PCCA: variants seen among roughly 807,000 people sequenced by gnomAD.
The protein encoded by PCCA is propionyl-CoA carboxylase subunit alpha, also known as propionyl-CoA carboxylase alpha chain, mitochondrial.
PCCA carries 74 observed loss-of-function variants against 101.3 expected under a neutral mutation model. The ratio of observed to expected loss-of-function variants is 0.73; its 90% CI spans 0.61 to 0.89. PCCA has a LOEUF of 0.89. Ranked by LOEUF, PCCA falls within the 40% of genes least tolerant of loss-of-function variation. The probability of loss-of-function intolerance (pLI) is 0.00; values close to 1 mark genes in which losing one functional copy is unlikely to be tolerated. For missense variants in PCCA, 891 were observed against 907.0 expected (o/e 0.98, Z 0.23); for synonymous variants, 294 against 313.6 (o/e 0.94, Z 0.66).
intron 1 of PCCA, among the ~76,000 whole-genome samples, chr13:100,100,348 C>G (rs1394545632): frequency 1.3e-5 from 2 of 152,170 alleles, no homozygotes; most frequent in Non-Finnish European, 2.9e-5. Flanking sequence ...ACTGGGGAGT[C>G]ATTTTGCACA....
chr13:100,292,923 C>T (rs2065239418), intron 12 of PCCA, among the ~76,000 whole-genome samples: 1 of 88,428 alleles, frequency 1.1e-5, no homozygotes, highest in Non-Finnish European at 2.4e-5. Context: ...CTGAATACAC[C>T]TTTCCAAATT....
At chr13:100,259,109 T>A (rs1002589188) in intron 9 of PCCA, among the ~76,000 whole-genome samples, 13 of 152,144 alleles carry the variant, frequency 8.5e-5, no homozygotes, top group African/African-American at 2.4e-4. Context: ...CTTCTTTTCC[T>A]CTCTCCCTCT....
intron 21 of PCCA, among the ~76,000 whole-genome samples, chr13:100,496,759 C>A (rs953378567): frequency 9.9e-5 from 15 of 152,278 alleles, no homozygotes; most frequent in African/African-American, 3.4e-4. Context: ...AGATGTCACC[C>A]AACCTGGTAG....
At chr13:100,259,602 G>T (rs1469442467) in intron 9 of PCCA, among the ~76,000 whole-genome samples, 1 of 151,892 alleles carries the variant, frequency 6.6e-6, no homozygotes, top group East Asian at 1.9e-4. Context: ...CAAAGTGCTG[G>T]GATTACAGGC....
chr13:100,188,130 T>C (rs2057441693), intron 6 of PCCA, among the ~76,000 whole-genome samples: 1 of 152,086 alleles, frequency 6.6e-6, no homozygotes, highest in Admixed American at 6.6e-5. Flanking sequence ...CCGTCTCTAC[T>C]AAAAATACAA....
At chr13:100,377,366 T>TCC (rs2075980398) in intron 19 of PCCA, among the ~76,000 whole-genome samples, 1 of 152,228 alleles carries the variant, frequency 6.6e-6, no homozygotes, top group Non-Finnish European at 1.5e-5. Flanking sequence ...TCCATTTGGA[T>TCC]GGAACAATTT....
At chr13:100,206,453 G>A (rs1002483887) in intron 6 of PCCA, among the ~76,000 whole-genome samples, 1 of 152,030 alleles carries the variant, frequency 6.6e-6, no homozygotes, top group Non-Finnish European at 1.5e-5. Flanking sequence ...TTTTAGTAGA[G>A]GCCACTATGT....
chr13:100,488,162 C>T (rs1030570343), intron 21 of PCCA, among the ~76,000 whole-genome samples: 2 of 152,262 alleles, frequency 1.3e-5, no homozygotes, highest in South Asian at 2.1e-4. Context: ...GGCACAATCT[C>T]GGCTCACCGC....
intron 21 of PCCA, among the ~76,000 whole-genome samples, chr13:100,488,626 TTGTTTTGTTTTTTTTTTG>T (rs1439746950): frequency 0.028 from 1,972 of 71,542 alleles, 17 homozygotes; most frequent in Admixed American, 0.05. Flanking sequence ...TTTTGTTTTT[TTGTTTTGTTTTTTTTTTG>T]TTTTTTTTTT....
intron 7 of PCCA, among the ~76,000 whole-genome samples, chr13:100,233,554 A>G (rs2060614237): frequency 6.6e-6 from 1 of 152,112 alleles, no homozygotes. Flanking sequence ...TATCTCTTCA[A>G]AAGTAATTTT....
At chr13:100,102,415 C>A (rs2047361585) in intron 1 of PCCA, among the ~76,000 whole-genome samples, 1 of 152,166 alleles carries the variant, frequency 6.6e-6, no homozygotes, top group African/African-American at 2.4e-5. Context: ...ATTTATCAGC[C>A]AAACCACTTC....
At chr13:100,392,092 C>G (rs1262605342) in intron 19 of PCCA, among the ~76,000 whole-genome samples, 1 of 152,140 alleles carries the variant, frequency 6.6e-6, no homozygotes, top group African/African-American at 2.4e-5. Context: ...ATTTCAGCCT[C>G]TTCACACTAA....
intron 2 of PCCA, among the ~76,000 whole-genome samples, chr13:100,104,183 A>G (rs2047543956): frequency 6.6e-6 from 1 of 152,180 alleles, no homozygotes; most frequent in East Asian, 1.9e-4. Context: ...TTATTTGAGA[A>G]TGACATGTCT....
intron 14 of PCCA, among the ~76,000 whole-genome samples, chr13:100,306,166 CT>C (rs1053967189): frequency 1.3e-5 from 2 of 152,162 alleles, no homozygotes; most frequent in African/African-American, 4.8e-5. Flanking sequence ...CTGTGTTGAC[CT>C]TTTTCTGCCT....
At chr13:100,373,355 A>G (rs995510280) in intron 19 of PCCA, among the ~76,000 whole-genome samples, 3 of 152,210 alleles carry the variant, frequency 2.0e-5, no homozygotes, top group Non-Finnish European at 4.4e-5. Flanking sequence ...TGATGTGGTT[A>G]CTTTGGAAAA....
chr13:100,408,867 A>G (rs542449608), intron 19 of PCCA, among the ~76,000 whole-genome samples: 2 of 152,334 alleles, frequency 1.3e-5, no homozygotes, highest in South Asian at 4.1e-4. Flanking sequence ...GTAAAGTAGG[A>G]AAAAAACAAC....
intron 8 of PCCA, among the ~76,000 whole-genome samples, chr13:100,241,095 A>T (rs571237469): frequency 6.6e-6 from 1 of 152,156 alleles, no homozygotes; most frequent in Non-Finnish European, 1.5e-5. Context: ...AATTAAGATA[A>T]ATTTTTAATA....
chr13:100,411,681 G>A (rs886367534), intron 19 of PCCA, among the ~76,000 whole-genome samples: 4 of 152,136 alleles, frequency 2.6e-5, no homozygotes, highest in Admixed American at 6.5e-5. Flanking sequence ...TGGCAGATCC[G>A]GTGTTTGGTA....
At chr13:100,358,566 G>C (rs1447001935) in intron 18 of PCCA, among the ~76,000 whole-genome samples, 1 of 152,164 alleles carries the variant, frequency 6.6e-6, no homozygotes, top group Admixed American at 6.5e-5. Context: ...ATCTGCAATG[G>C]ATAATTTGCT....
Sources: gnomAD v4.1 joint callset for allele counts (sites outside exome capture counted in the v4.1 genomes callset) on GRCh38, gnomAD v4.1.1 for gene constraint, MANE v1.5 for transcripts, NCBI Gene and HGNC (gene_info 2026-07-23, HGNC 2026-07-21) for gene names.